The following CREBBP variants were observed in gnomAD, a reference collection of about 807,000 sequenced individuals.
CREBBP encodes the protein CREB binding lysine acetyltransferase.
Under a neutral mutation model 265.0 loss-of-function variants are expected in CREBBP, and 19 were observed. That is an observed-to-expected ratio of 0.07 (90% confidence interval 0.05 to 0.11). The LOEUF (loss-of-function observed/expected upper bound fraction) is 0.11. CREBBP is among the 10% of genes least tolerant of loss of function. The probability of loss-of-function intolerance (pLI) is 1.00; values close to 1 mark genes in which losing one functional copy is unlikely to be tolerated. For synonymous variants in CREBBP, 1,457 were observed against 1,223.7 expected (o/e 1.19, Z -3.98); for missense variants, 2,525 against 3,219.0 (o/e 0.78, Z 5.22).
chr16:3,869,634 A>C (rs975462155), intron 1 of CREBBP, among the ~76,000 whole-genome samples: 22 of 152,192 alleles, frequency 1.4e-4, no homozygotes, highest in Non-Finnish European at 4.4e-5. Flanking sequence ...CCTAAGTCAC[A>C]CTAATCACAA....
At position 3,879,882 on chromosome 16, in the gene CREBBP, G is replaced by T. The variant is rs2141616410; in HGVS notation, c.35C>A (p.Pro12His). 6.2e-7 allele frequency: 1 copy of T among 1,612,778 alleles called. No individual in the cohort carries two copies. Among genetic ancestry groups the T allele is most frequent in the African/African-American group, 1.3e-5 (1 of 74,946 alleles). ...GGGCGAGCTGAGTTTGGCTCTTTTG[G>T]GGTTGGGCGGTCCGTCCAGCAAGTT... ...AENLLDGPPN[P>H]KRAKLSSPGF... The change falls in exon 1 of 31, where the codon CCC becomes CAC. Residue 12 changes from proline to histidine, a missense_variant. Pro to His is a moderately conservative substitution (Grantham distance 77). This residue lies in a region of CREBBP where 356 missense variants were observed against 340.4 expected (regional missense o/e 1.05). Coordinates refer to ENST00000262367, the MANE Select transcript of CREBBP (RefSeq NM_004380.3).
chr16:3,767,149 C>T (rs1340411500), intron 16 of CREBBP, among the ~76,000 whole-genome samples: 3 of 152,118 alleles, frequency 2.0e-5, no homozygotes, highest in South Asian at 4.1e-4. Context: ...CACTGTGAGG[C>T]GGGCTTACCT....
chr16:3,803,398 G>A (rs950959968), intron 3 of CREBBP, among the ~76,000 whole-genome samples: 4 of 151,482 alleles, frequency 2.6e-5, no homozygotes, highest in East Asian at 3.9e-4. Flanking sequence ...CCAACTACTC[G>A]GAAGGCTGAG....
intron 3 of CREBBP, among the ~76,000 whole-genome samples, chr16:3,807,272 A>G (rs576482783): frequency 6.6e-6 from 1 of 152,302 alleles, no homozygotes; most frequent in Admixed American, 6.5e-5. Flanking sequence ...CTGGCCCAAG[A>G]CCACGTGGCT....
rs1300659854 is a variant in CREBBP at position 3,727,862 on chromosome 16, T to C, written c.7185A>G (p.Ile2395Met). 3 of 1,613,924 alleles carry C rather than the reference T, an allele frequency of 1.9e-6. No homozygotes were observed. The African/African-American group carries it at 4.0e-5, about 22-fold the overall frequency. ...PGLAVTMASSIDQGHLGNPEQ... is the reference protein window; with the variant it reads ...PGLAVTMASSMDQGHLGNPEQ... Reference sequence around the variant, plus strand: ...CGGGGTTCCCCAAGTGTCCCTGATCTATGGAGCTGGCCATGGTGACTGCGA... The same window carrying C: ...CGGGGTTCCCCAAGTGTCCCTGATCCATGGAGCTGGCCATGGTGACTGCGA... Residue 2395 changes from isoleucine to methionine, a missense_variant, in exon 31 of 31, where the codon ATA becomes ATG. Coordinates refer to ENST00000262367, the MANE Select transcript of CREBBP (RefSeq NM_004380.3).
intron 2 of CREBBP, among the ~76,000 whole-genome samples, chr16:3,822,215 G>C (rs1327791168): frequency 9.1e-6 from 1 of 110,160 alleles, no homozygotes; most frequent in Non-Finnish European, 2.0e-5. Flanking sequence ...AGGCAGAGAA[G>C]CACCTTTTTC....
At chr16:3,751,410 C>T (rs1269650026) in intron 20 of CREBBP, among the ~76,000 whole-genome samples, 11 of 152,202 alleles carry the variant, frequency 7.2e-5, no homozygotes, top group East Asian at 1.9e-4. Context: ...GGCAACATGG[C>T]GAGACCTCGT....
At chr16:3,741,056 G>C (rs2052193450) in intron 23 of CREBBP, 1 of 227,180 alleles carries the variant, frequency 4.4e-6, no homozygotes, top group African/African-American at 2.3e-5. Context: ...CAAAGTATTG[G>C]TGTCCAAGCC....
chr16:3,808,751 T>A (rs559364863), intron 3 of CREBBP, among the ~76,000 whole-genome samples: 3 of 152,214 alleles, frequency 2.0e-5, no homozygotes, highest in African/African-American at 4.8e-5. Context: ...TTTCCCTGAC[T>A]GTAAAACACA....
Position 3,850,452 on chromosome 16 carries a change from C to T in CREBBP, c.643G>A (p.Ala215Thr). Residue 215 changes from alanine (A) to threonine (T), a missense_variant, in exon 2 of 31, where the codon GCT becomes ACT. Ala to Thr is a moderately conservative substitution (Grantham distance 58, BLOSUM62 0). Around this residue, in one of 19 missense-constraint regions of CREBBP, gnomAD observed 356 missense variants for 340.4 expected, o/e 1.05. Coordinates refer to ENST00000262367, the MANE Select transcript of CREBBP (RefSeq NM_004380.3). Reference protein sequence around the residue: ...QAQVMNGSLGAAGRGRGAGMP... With the variant: ...QAQVMNGSLGTAGRGRGAGMP... ...CCAGCTCCCCTTCCTCTGCCAGCAG[C>T]CCCAAGAGATCCATTCATGACTTGC... 1 of 1,614,230 alleles carries T rather than the reference C, an allele frequency of 6.2e-7. No individual in the cohort carries two copies.
intron 3 of CREBBP, among the ~76,000 whole-genome samples, chr16:3,797,149 G>T (rs1162372031): frequency 6.6e-6 from 1 of 152,170 alleles, no homozygotes; most frequent in Non-Finnish European, 1.5e-5. Context: ...GATGGAGGGA[G>T]AGTACTTCGG....
At chr16:3,862,582 T>C (rs1286622316) in intron 1 of CREBBP, among the ~76,000 whole-genome samples, 1 of 152,228 alleles carries the variant, frequency 6.6e-6, no homozygotes, top group East Asian at 1.9e-4. Flanking sequence ...TGATGAACGA[T>C]ATTTAAGTGG....
In CREBBP at chr16:3,773,850, G is replaced by A. The variant is rs201070000; in HGVS notation, c.2364C>T (p.Pro788=). ...TCTGTGGCAGAAACTGGCTCTGAGC[G>A]GGCGCCTGGGCCATCATGTTGTTGG... The part of the protein sequence containing the change: ...AHTNNMMAQA[P]AQSQFLPQNQ... The change falls in exon 13 of 31, where the codon CCC becomes CCT. Residue 788 remains proline, a synonymous_variant. Coordinates refer to ENST00000262367, the MANE Select transcript of CREBBP (RefSeq NM_004380.3). The A allele has an allele frequency of 8.4e-5, 135 of 1,612,364 alleles. No homozygotes were observed. The Middle Eastern group carries it at 1.1e-3, about 13-fold the overall frequency.
rs765217547 is a variant in CREBBP, at chr16:3,850,312, T to C, written c.783A>G (p.Ala261=). The C allele has an allele frequency of 6.7e-5, 108 of 1,614,234 alleles. 1 individual carries two copies. The South Asian group carries it at 1.1e-3, about 16-fold the overall frequency. ...TGHAGLNTAQ[A]GGMAKMGITG... is the part of the protein sequence containing the mutation. ...GTTCACTTACCTTGGCCATGCCTCC[T>C]GCCTGTGCGGTGTTCAGTCCCGCGT... is the stretch of plus-strand genomic sequence containing the variant. The change falls in exon 2 of 31, where the codon GCA becomes GCG. Residue 261 remains alanine (A), a synonymous_variant. Transcript: ENST00000262367.
At position 3,728,327 on chromosome 16, in the gene CREBBP, G is replaced by A. The variant is rs772974749; in HGVS notation, c.6720C>T (p.Tyr2240=). ...GCTGCTGCTGCTGCATGGCCGGTGG[G>A]TAGCCTCCGGGTCCTTGAGGCTGCT... ...QFQQPQGPGG[Y]PPAMQQQQRM... Residue 2240 remains tyrosine (Y), a synonymous_variant, in exon 31 of 31, where the codon TAC becomes TAT. Transcript: ENST00000262367. This position sits in a 1 kb window ranked among gnomAD's most constrained non-coding sequence, Gnocchi z 8.7. The A allele has an allele frequency of 6.2e-7, 1 of 1,612,264 alleles. No individual in the cohort carries two copies. The highest frequency in any genetic ancestry group is 8.5e-7 in the Non-Finnish European group (1 of 1,179,662).
intron 21 of CREBBP, among the ~76,000 whole-genome samples, chr16:3,748,041 G>C (rs1331743140): frequency 1.3e-5 from 2 of 152,174 alleles, no homozygotes; most frequent in African/African-American, 4.8e-5. Flanking sequence ...GGTGAGCTGA[G>C]ATTGTGCCAT....
chr16:3,820,167 G>T (rs1388105549), intron 2 of CREBBP, among the ~76,000 whole-genome samples: 1 of 152,186 alleles, frequency 6.6e-6, no homozygotes, highest in African/African-American at 2.4e-5. Context: ...CATTTGTAAA[G>T]CCAAAAGCAT....
chr16:3,802,269 T>C (rs2053732501), intron 3 of CREBBP, among the ~76,000 whole-genome samples: 1 of 151,530 alleles, frequency 6.6e-6, no homozygotes, highest in Non-Finnish European at 1.5e-5. Context: ...GTAGCTGGAC[T>C]TACAGACGTG....
In CREBBP at chr16:3,837,677, T is replaced by C. The variant is rs1044582788; in HGVS notation, c.798+12620A>G. Among the ~76,000 whole-genome samples, 3 of 151,004 alleles carry C rather than the reference T, an allele frequency of 2.0e-5. No homozygotes were observed. In the East Asian group the frequency reaches 5.8e-4, roughly 29 times the overall value. On this transcript the variant is annotated intron_variant, in intron 2 of 30. Transcript: ENST00000262367. Reference sequence around the variant, plus strand: ...AAAATTTTAAAATAGAAAAAGCTTATAGAATAAGTACAAATACGTTTGTAC... The same window carrying C: ...AAAATTTTAAAATAGAAAAAGCTTACAGAATAAGTACAAATACGTTTGTAC...
Sources: gnomAD v4.1 joint callset for allele counts (sites outside exome capture counted in the v4.1 genomes callset) on GRCh38, gnomAD v4.1.1 for gene constraint, gnomAD v4.1.1 regional missense constraint, Gnocchi (gnomAD v3.1) non-coding constraint, MANE v1.5 for transcripts, NCBI Gene and HGNC (gene_info 2026-07-23, HGNC 2026-07-21) for gene names.